Variants in RNF13 observed in about 807,000 individuals in gnomAD.
RNF13 encodes the protein ring finger protein 13, also known as E3 ubiquitin-protein ligase RNF13.
RNF13 carries 19 observed loss-of-function variants against 37.7 expected under a neutral mutation model. That is an observed-to-expected ratio of 0.50 (90% CI 0.35 to 0.74). The LOEUF (loss-of-function observed/expected upper bound fraction) is 0.74. RNF13 is among the 30% of genes least tolerant of loss of function. RNF13 has a pLI of 0.01. For synonymous variants in RNF13, 144 were observed against 157.8 expected (o/e 0.91, Z 0.65); for missense variants, 375 against 453.0 (o/e 0.83, Z 1.56).
chr3:149,826,583 ATATT>A (rs1212512276), intron 1 of RNF13, among the ~76,000 whole-genome samples: 1 of 152,176 alleles, frequency 6.6e-6, no homozygotes, highest in African/African-American at 2.4e-5. Flanking sequence ...ATTTCTCTTA[ATATT>A]TTCGTGTATT....
At chr3:149,865,411 A>C (rs1271921053) in intron 3 of RNF13, among the ~76,000 whole-genome samples, 1 of 151,328 alleles carries the variant, frequency 6.6e-6, no homozygotes, top group East Asian at 1.9e-4. Flanking sequence ...AAAAGCAGGA[A>C]TATTTAAGAT....
At chr3:149,813,425 G>A (rs1719105833) in intron 1 of RNF13, 72 bp downstream of exon 1, 1 of 152,458 alleles carries the variant, frequency 6.6e-6, no homozygotes, top group Non-Finnish European at 1.5e-5. Context: ...TACCCCGCTT[G>A]TTGGCCCTCG....
intron 6 of RNF13, among the ~76,000 whole-genome samples, chr3:149,903,933 G>GTCTA (rs781221375): frequency 1.4e-5 from 2 of 141,226 alleles, no homozygotes; most frequent in African/African-American, 2.6e-5. Context: ...CTATATATCT[G>GTCTA]TCTATCTGTC....
At chr3:149,868,388 A>G (rs1221766794) in intron 3 of RNF13, among the ~76,000 whole-genome samples, 1 of 151,738 alleles carries the variant, frequency 6.6e-6, no homozygotes, top group Non-Finnish European at 1.5e-5. Flanking sequence ...CTTGTAAGAC[A>G]GGCCTGGTGG....
chr3:149,856,896 C>T (rs551473089), intron 3 of RNF13, among the ~76,000 whole-genome samples: 4 of 152,234 alleles, frequency 2.6e-5, no homozygotes, highest in South Asian at 2.1e-4. Flanking sequence ...TACAGGCGCC[C>T]GCCACTACGC....
At chr3:149,884,008 A>G (rs1049905067) in intron 4 of RNF13, among the ~76,000 whole-genome samples, 1 of 152,090 alleles carries the variant, frequency 6.6e-6, no homozygotes, top group East Asian at 1.9e-4. Context: ...AGCTCCATTC[A>G]TGTCCCTGAG....
intron 1 of RNF13, among the ~76,000 whole-genome samples, chr3:149,820,763 T>C (rs984227270): frequency 1.3e-5 from 2 of 152,220 alleles, no homozygotes; most frequent in African/African-American, 4.8e-5. Context: ...CAAAACATTT[T>C]TATCACTTTG....
At chr3:149,901,661 CG>C (rs1171051590) in intron 5 of RNF13, among the ~76,000 whole-genome samples, 1 of 152,060 alleles carries the variant, frequency 6.6e-6, no homozygotes, top group Non-Finnish European at 1.5e-5. Context: ...CTGGCTTATA[CG>C]TCTCCTGGAA....
intron 1 of RNF13, among the ~76,000 whole-genome samples, chr3:149,821,093 C>T (rs1172103488): frequency 6.6e-6 from 1 of 151,942 alleles, no homozygotes; most frequent in Non-Finnish European, 1.5e-5. Context: ...GGGTTGTTTC[C>T]ACCTTTTAGT....
chr3:149,938,613 G>A (rs1030109956), intron 8 of RNF13, among the ~76,000 whole-genome samples: 1 of 151,486 alleles, frequency 6.6e-6, no homozygotes, highest in Non-Finnish European at 1.5e-5. Flanking sequence ...TTTTGGATTA[G>A]GGTTAGCATG....
intron 4 of RNF13, among the ~76,000 whole-genome samples, chr3:149,878,337 G>A (rs1386635752): frequency 1.3e-5 from 2 of 152,176 alleles, no homozygotes; most frequent in Non-Finnish European, 2.9e-5. Flanking sequence ...AAGAGAGAAA[G>A]ATAGTTTTTA....
intron 8 of RNF13, among the ~76,000 whole-genome samples, chr3:149,925,969 T>G (rs1237493553): frequency 1.3e-5 from 2 of 152,226 alleles, no homozygotes; most frequent in Non-Finnish European, 2.9e-5. Context: ...AGGTTAAATA[T>G]CTGTTCACAT....
At chr3:149,825,023 G>A (rs896331864) in intron 1 of RNF13, among the ~76,000 whole-genome samples, 5 of 149,356 alleles carry the variant, frequency 3.3e-5, no homozygotes, top group African/African-American at 9.9e-5. Context: ...GTGCACTGGC[G>A]ATCATAGCTC....
intron 8 of RNF13, among the ~76,000 whole-genome samples, chr3:149,925,911 G>C (rs1359799969): frequency 6.6e-6 from 1 of 152,080 alleles, no homozygotes; most frequent in African/African-American, 2.4e-5. Context: ...TAGCATTCTG[G>C]TGGGTTTATA....
intron 3 of RNF13, among the ~76,000 whole-genome samples, chr3:149,860,775 T>G (rs1034987746): frequency 6.6e-6 from 1 of 152,096 alleles, no homozygotes; most frequent in African/African-American, 2.4e-5. Flanking sequence ...GATGCTATAT[T>G]GAACTAAAAA....
rs144762685 is a variant in RNF13, at chr3:149,872,497, A to G, written c.321+343A>G. 1.7e-3 allele frequency among the ~76,000 whole-genome samples: 259 copies of G among 152,264 alleles called. 1 individual carries two copies. Among genetic ancestry groups the G allele is most frequent in the African/African-American group, 5.9e-3 (243 of 41,532 alleles). On this transcript the variant is annotated intron_variant, in intron 4 of 9. Transcript: ENST00000392894. ...TTGTCATTGAGGTTTCTCTTTTGTA[A>G]TAAGTTAAATCTGCCCCTGTGTAAA...
intron 8 of RNF13, among the ~76,000 whole-genome samples, chr3:149,926,830 A>G (rs1163319223): frequency 1.3e-5 from 2 of 151,730 alleles, no homozygotes; most frequent in African/African-American, 4.8e-5. Context: ...CACTGTTTCA[A>G]TTACAGTAGG....
At chr3:149,897,911 C>G (rs1715440103) in intron 5 of RNF13, among the ~76,000 whole-genome samples, 1 of 152,118 alleles carries the variant, frequency 6.6e-6, no homozygotes, top group Admixed American at 6.5e-5. Context: ...CAGCCAGGAA[C>G]AGAATGGATT....
At chr3:149,957,692 G>T (rs1721993716) in intron 8 of RNF13, among the ~76,000 whole-genome samples, 1 of 152,148 alleles carries the variant, frequency 6.6e-6, no homozygotes, top group Non-Finnish European at 1.5e-5. Context: ...TGGTTAAGAG[G>T]TATTGTATGT....
Sources: gnomAD v4.1 joint callset for allele counts (sites outside exome capture counted in the v4.1 genomes callset) on GRCh38, gnomAD v4.1.1 for gene constraint, MANE v1.5 for transcripts, NCBI Gene and HGNC (gene_info 2026-07-23, HGNC 2026-07-21) for gene names.